The following DOCK2 variants were observed in gnomAD, a reference collection of about 807,000 sequenced individuals.
The protein encoded by DOCK2 is dedicator of cytokinesis protein 2.
A neutral mutation model predicts 248.9 loss-of-function variants in DOCK2; 87 were observed. That is an observed-to-expected ratio of 0.35 (90% CI 0.29 to 0.42). The LOEUF (loss-of-function observed/expected upper bound fraction) is 0.42. DOCK2 is among the 10% of genes least tolerant of loss of function. DOCK2 has a pLI of 1.00. For synonymous variants in DOCK2, 805 were observed against 821.6 expected (o/e 0.98, Z 0.35); for missense variants, 1,747 against 2,300.2 (o/e 0.76, Z 4.92).
intron 27 of DOCK2, among the ~76,000 whole-genome samples, chr5:169,928,988 G>A (rs1480981197): frequency 1.3e-5 from 2 of 152,212 alleles, no homozygotes; most frequent in Non-Finnish European, 2.9e-5. Flanking sequence ...AAACATGTAG[G>A]ATGAGGAGGA....
chr5:169,689,477 C>T (rs531613372), intron 9 of DOCK2, 144 bp downstream of exon 9: 3 of 809,230 alleles, frequency 3.7e-6, no homozygotes, highest in East Asian at 5.4e-5. Flanking sequence ...CCAAAGCTGA[C>T]AAAGGACATT....
At chr5:169,862,608 A>T (rs1771275597) in intron 27 of DOCK2, among the ~76,000 whole-genome samples, 1 of 152,224 alleles carries the variant, frequency 6.6e-6, no homozygotes, top group Non-Finnish European at 1.5e-5. Flanking sequence ...ACATGACGTT[A>T]TATATTCCGG....
chr5:169,688,070 A>G (rs1440357010), intron 8 of DOCK2, among the ~76,000 whole-genome samples: 1 of 152,140 alleles, frequency 6.6e-6, no homozygotes, highest in Non-Finnish European at 1.5e-5. Context: ...GACTACAGGC[A>G]TGTGCCACCA....
intron 27 of DOCK2, among the ~76,000 whole-genome samples, chr5:169,933,473 G>A (rs777325052): frequency 6.6e-6 from 1 of 152,242 alleles, no homozygotes; most frequent in Non-Finnish European, 1.5e-5. Flanking sequence ...ATTATCCTGA[G>A]CATCAAGAGT....
chr5:169,799,847 G>A (rs886389504), intron 25 of DOCK2, among the ~76,000 whole-genome samples: 7 of 152,004 alleles, frequency 4.6e-5, no homozygotes, highest in South Asian at 2.1e-4. Context: ...TCACTCTGTC[G>A]CCCAGGCTGG....
chr5:169,827,870 A>ACT (rs1768970130), intron 26 of DOCK2, among the ~76,000 whole-genome samples: 1 of 151,244 alleles, frequency 6.6e-6, no homozygotes. Flanking sequence ...CATTAAAAAC[A>ACT]CACACACACA....
Position 169,936,344 on chromosome 5 carries a change from C to T in DOCK2, c.2800-46724C>T, listed in dbSNP as rs576109423. Reference sequence around the variant, plus strand: ...GTTCCTAGGGCAAAACATTTTAGGACGGTTATTCCTCATCCTCAAACTCTG... The same window carrying T: ...GTTCCTAGGGCAAAACATTTTAGGATGGTTATTCCTCATCCTCAAACTCTG... On this transcript the variant is annotated intron_variant, in intron 27 of 51. Transcript: ENST00000520908. Among the ~76,000 whole-genome samples the T allele has an allele frequency of 3.9e-5, 6 of 152,180 alleles. No homozygotes were observed. In the South Asian group the frequency reaches 1.2e-3, roughly 32 times the overall value.
intron 6 of DOCK2, 67 bp from the exon 7 acceptor site, chr5:169,681,677 A>G: frequency 6.4e-7 from 1 of 1,572,954 alleles, no homozygotes; most frequent in Non-Finnish European, 8.6e-7. Context: ...TTTCTGGTAA[A>G]AAGCTTCTCA....
chr5:169,789,157 G>T (rs559854803), intron 25 of DOCK2, among the ~76,000 whole-genome samples: 5 of 152,154 alleles, frequency 3.3e-5, no homozygotes, highest in Non-Finnish European at 7.4e-5. Context: ...CCATGTCCCT[G>T]TCTCCACTCA....
intron 2 of DOCK2, among the ~76,000 whole-genome samples, chr5:169,655,771 C>CA (rs1267676744): frequency 6.6e-6 from 1 of 152,084 alleles, no homozygotes. Context: ...TAGATACAAC[C>CA]AAAAAACATA....
chr5:169,897,731 G>A (rs1251908279), intron 27 of DOCK2, among the ~76,000 whole-genome samples: 1 of 152,174 alleles, frequency 6.6e-6, no homozygotes, highest in African/African-American at 2.4e-5. Context: ...GTCCATGCAA[G>A]CATTTGTCTA....
At chr5:169,663,880 A>G (rs1291308865) in intron 2 of DOCK2, among the ~76,000 whole-genome samples, 1 of 152,216 alleles carries the variant, frequency 6.6e-6, no homozygotes, top group African/African-American at 2.4e-5. Context: ...GGCTGTTAAC[A>G]TTCAGCTCCT....
Position 169,933,164 on chromosome 5 carries a change from C to T in DOCK2, c.2800-49904C>T, listed in dbSNP as rs554960913. Among the ~76,000 whole-genome samples, 28 of 152,302 alleles carry T rather than the reference C, an allele frequency of 1.8e-4. 1 individual carries two copies. In the South Asian group the frequency reaches 5.4e-3, roughly 29 times the overall value. On this transcript the variant is annotated intron_variant, in intron 27 of 51. Transcript: ENST00000520908. ...AGGGTGTAGAAACTAAATAATTCAC[C>T]TTTTGGTGTACCCTGAAAGAGAGAG...
At chr5:169,947,362 A>T (rs1054429284) in intron 27 of DOCK2, among the ~76,000 whole-genome samples, 24 of 152,228 alleles carry the variant, frequency 1.6e-4, no homozygotes, top group African/African-American at 5.8e-4. Flanking sequence ...GCATTTGTTG[A>T]TGGTGCCTAG....
chr5:170,012,710 CT>C (rs1378783123), intron 32 of DOCK2, among the ~76,000 whole-genome samples: 2 of 152,196 alleles, frequency 1.3e-5, no homozygotes, highest in East Asian at 3.8e-4. Flanking sequence ...ATGGAATTTA[CT>C]TTTCCCAGTA....
intron 34 of DOCK2, among the ~76,000 whole-genome samples, chr5:170,030,731 C>T (rs913909703): frequency 6.6e-6 from 1 of 152,106 alleles, no homozygotes; most frequent in Non-Finnish European, 1.5e-5. Context: ...GATAGCATTG[C>T]GGGTTTTTGA....
At chr5:169,948,481 C>T (rs1042836679) in intron 27 of DOCK2, among the ~76,000 whole-genome samples, 1 of 152,230 alleles carries the variant, frequency 6.6e-6, no homozygotes. Context: ...CTCTCTCTCT[C>T]TATCTGTATA....
In DOCK2 at chr5:170,019,123, C is replaced by T. The variant is rs775387109; in HGVS notation, c.3381+15C>T. The T allele has an allele frequency of 2.4e-5, 39 of 1,613,826 alleles. No homozygotes were observed. Among genetic ancestry groups the T allele is most frequent in the South Asian group, 9.9e-5 (9 of 91,080 alleles). The stretch of plus-strand genomic sequence containing the variant: ...ATTTCAAAAAGGTAAAAAATGAGGC[C>T]GGAAACTCATGCCAGCATGCCTAAT... On this transcript the variant is annotated intron_variant, in intron 33 of 51. Coordinates refer to ENST00000520908, the MANE Select transcript of DOCK2 (RefSeq NM_004946.3).
intron 26 of DOCK2, among the ~76,000 whole-genome samples, chr5:169,829,799 A>T (rs773117911): frequency 6.6e-6 from 1 of 152,192 alleles, no homozygotes; most frequent in Non-Finnish European, 1.5e-5. Context: ...TTGACACATG[A>T]TATGAAATGG....
Sources: gnomAD v4.1 joint callset for allele counts (sites outside exome capture counted in the v4.1 genomes callset) on GRCh38, gnomAD v4.1.1 for gene constraint, MANE v1.5 for transcripts, NCBI Gene and HGNC (gene_info 2026-07-23, HGNC 2026-07-21) for gene names.